Variants in PLPPR4 observed in about 807,000 individuals in gnomAD.
The protein encoded by PLPPR4 is phospholipid phosphatase related 4, also known as phospholipid phosphatase-related protein type 4.
In PLPPR4, 24 loss-of-function variants were observed where a neutral mutation model predicts 56.6. The observed-to-expected ratio is 0.42, with a 90% CI of 0.31 to 0.60. The LOEUF (loss-of-function observed/expected upper bound fraction) is 0.60. Ranked by LOEUF, PLPPR4 falls within the 20% of genes least tolerant of loss-of-function variation. The probability of loss-of-function intolerance (pLI) is 0.13; values close to 1 mark genes in which losing one functional copy is unlikely to be tolerated. For synonymous variants in PLPPR4, 326 were observed against 328.1 expected, an observed-to-expected ratio of 0.99 and a Z score of 0.07; for missense variants, 654 against 885.8, an observed-to-expected ratio of 0.74 and a Z score of 3.32.
At chr1:99,297,319 G>A (rs1659768801) in intron 3 of PLPPR4, among the ~76,000 whole-genome samples, 1 of 152,048 alleles carries the variant, frequency 6.6e-6, no homozygotes, top group African/African-American at 2.4e-5. Flanking sequence ...TCACTATTGA[G>A]TACTGCATCA....
At chr1:99,279,615 T>A (rs949239823) in intron 1 of PLPPR4, among the ~76,000 whole-genome samples, 1 of 152,092 alleles carries the variant, frequency 6.6e-6, no homozygotes, top group Non-Finnish European at 1.5e-5. Context: ...TCCTTTAAAC[T>A]GGCAATCTCA....
chr1:99,264,639 G>T lies in PLPPR4; in HGVS notation c.46G>T (p.Val16Phe). The T allele has an allele frequency of 6.4e-7, 1 of 1,550,680 alleles. No individual in the cohort carries two copies. Among genetic ancestry groups the T allele is most frequent in the Non-Finnish European group, 8.7e-7 (1 of 1,146,992 alleles). ...RPKGKVIKDS[V>F]TLLPCFYFVE... ...AAAGGGCAAAGTGATCAAGGACAGCGTCACCCTCCTGCCCTGCTTTTATTT... is the reference window on the plus strand; with the variant it reads ...AAAGGGCAAAGTGATCAAGGACAGCTTCACCCTCCTGCCCTGCTTTTATTT... The change falls in exon 1 of 7, where the codon GTC becomes TTC. Residue 16 changes from valine to phenylalanine, a missense_variant. By Grantham distance (50) the Val-to-Phe change is conservative (BLOSUM62 -1). Around this residue, in one of 2 missense-constraint regions of PLPPR4, gnomAD observed 186 missense variants for 331.4 expected, o/e 0.56. Coordinates refer to ENST00000370185, the MANE Select transcript of PLPPR4 (RefSeq NM_014839.5).
chr1:99,264,424 G>A, upstream of PLPPR4: 1 of 1,459,636 alleles, frequency 6.9e-7, no homozygotes, highest in Non-Finnish European at 9.0e-7. Context: ...CTGCAAAAAG[G>A]GGCGGGGAGA....
At chr1:99,304,168 AT>A (rs1362159855) in intron 6 of PLPPR4, among the ~76,000 whole-genome samples, 4 of 152,216 alleles carry the variant, frequency 2.6e-5, no homozygotes, top group East Asian at 3.8e-4. Context: ...CCCATATATA[AT>A]ACCATGGTGA....
intron 1 of PLPPR4, among the ~76,000 whole-genome samples, chr1:99,266,336 T>G (rs1369072224): frequency 2.0e-5 from 3 of 152,238 alleles, no homozygotes; most frequent in African/African-American, 7.2e-5. Context: ...GCTGACTACA[T>G]GTGGGTTGCA....
At chr1:99,288,366 T>G (rs1240950216) in intron 2 of PLPPR4, among the ~76,000 whole-genome samples, 1 of 152,184 alleles carries the variant, frequency 6.6e-6, no homozygotes, top group East Asian at 1.9e-4. Flanking sequence ...AAATGATTGA[T>G]TCCTAGTGTT....
At chr1:99,281,550 T>C (rs977113609) in intron 1 of PLPPR4, among the ~76,000 whole-genome samples, 1 of 152,174 alleles carries the variant, frequency 6.6e-6, no homozygotes, top group African/African-American at 2.4e-5. Flanking sequence ...TATGTTATTA[T>C]TATTATCAAT....
intron 1 of PLPPR4, among the ~76,000 whole-genome samples, chr1:99,282,158 T>G (rs1206976766): frequency 6.6e-6 from 1 of 152,172 alleles, no homozygotes; most frequent in Non-Finnish European, 1.5e-5. Flanking sequence ...CTTCTATTCT[T>G]TCCATCCAAA....
chr1:99,270,272 C>T (rs12063865), intron 1 of PLPPR4, among the ~76,000 whole-genome samples: 2,206 of 152,220 alleles, frequency 0.014, 28 homozygotes, highest in African/African-American at 0.038. Flanking sequence ...GCAATCCTCC[C>T]GCCTCAGCCT....
intron 2 of PLPPR4, among the ~76,000 whole-genome samples, chr1:99,289,573 T>A (rs935518689): frequency 6.6e-6 from 1 of 152,106 alleles, no homozygotes; most frequent in African/African-American, 2.4e-5. Flanking sequence ...AATAAAACAT[T>A]CTTGGAGTGC....
Position 99,309,199 on chromosome 1 carries a change from T to C in PLPPR4, c.*2189T>C, listed in dbSNP as rs1660124905. 6.6e-6 allele frequency: 1 copy of C among 152,560 alleles called. No homozygotes were observed. The highest frequency in any genetic ancestry group is 1.5e-5 in the Non-Finnish European group (1 of 68,008). The allele number at this position is 152,560 out of a possible 1,614,324, so 9.5% of individuals were successfully genotyped here. On this transcript the variant is annotated 3_prime_UTR_variant, in exon 7 of 7. Coordinates refer to ENST00000370185, the MANE Select transcript of PLPPR4 (RefSeq NM_014839.5). ...TGTATATTTGATAACATGTCTTTTG[T>C]AAAACAAAAATTACAAAAAAATTTG...
chr1:99,284,284 A>G (rs1659410942), intron 1 of PLPPR4, among the ~76,000 whole-genome samples: 1 of 152,186 alleles, frequency 6.6e-6, no homozygotes, highest in Admixed American at 6.5e-5. Flanking sequence ...TTAATTCATT[A>G]CATTGGGTAG....
At chr1:99,300,218 A>AT (rs1470189010) in intron 4 of PLPPR4, among the ~76,000 whole-genome samples, 1 of 151,676 alleles carries the variant, frequency 6.6e-6, no homozygotes, top group Admixed American at 6.6e-5. Context: ...AGTGAATTTT[A>AT]TTTTTTCTAA....
At chr1:99,292,207 AT>A (rs1417898522) in intron 2 of PLPPR4, among the ~76,000 whole-genome samples, 2 of 152,130 alleles carry the variant, frequency 1.3e-5, no homozygotes, top group Non-Finnish European at 2.9e-5. Context: ...AGGAAAGCAA[AT>A]TTAGTTGTGG....
chr1:99,274,347 C>G (rs1659132357), intron 1 of PLPPR4, among the ~76,000 whole-genome samples: 1 of 151,834 alleles, frequency 6.6e-6, no homozygotes, highest in African/African-American at 2.4e-5. Flanking sequence ...TAAAATATGG[C>G]CAAGAATTCT....
intron 1 of PLPPR4, among the ~76,000 whole-genome samples, chr1:99,267,013 A>G (rs1658917083): frequency 1.3e-5 from 2 of 152,258 alleles, no homozygotes; most frequent in Non-Finnish European, 2.9e-5. Context: ...GACCTTAGAA[A>G]TTAAGATGGA....
rs1660053648 is a variant in PLPPR4 at position 99,307,207 on chromosome 1, CCTAA to C, written c.*203_*206del. ...GAGAGGGAAAAGCACAATGCAAGAA[CCTAA>C]CTAACGTGATGATATGAAGAGTTTT... On this transcript the variant is annotated 3_prime_UTR_variant, in exon 7 of 7. Transcript: ENST00000370185. 3.3e-6 allele frequency: 2 copies of C among 607,600 alleles called. No individual in the cohort carries two copies. Among genetic ancestry groups the C allele is most frequent in the Admixed American group, 6.7e-5 (2 of 29,730 alleles). The allele number at this position is 607,600 out of a possible 1,614,324, so 37.6% of individuals were successfully genotyped here.
At chr1:99,287,847 A>G in intron 1 of PLPPR4, 118 bp from the exon 2 acceptor site, 1 of 753,632 alleles carries the variant, frequency 1.3e-6, no homozygotes, top group African/African-American at 1.8e-5. Context: ...CTTATGAATG[A>G]TTTTTAACTC....
At chr1:99,273,342 T>C (rs1348975750) in intron 1 of PLPPR4, among the ~76,000 whole-genome samples, 1 of 152,074 alleles carries the variant, frequency 6.6e-6, no homozygotes, top group Non-Finnish European at 1.5e-5. Context: ...GACGAGTAAT[T>C]AAAATCAATG....
Sources: gnomAD v4.1 joint callset for allele counts (sites outside exome capture counted in the v4.1 genomes callset) on GRCh38, gnomAD v4.1.1 for gene constraint, gnomAD v4.1.1 regional missense constraint, MANE v1.5 for transcripts, NCBI Gene and HGNC (gene_info 2026-07-23, HGNC 2026-07-21) for gene names.